TM9SF3: variants seen among roughly 807,000 people sequenced by gnomAD.
TM9SF3 encodes the protein transmembrane 9 superfamily member 3.
In TM9SF3, 14 loss-of-function variants were observed where a neutral mutation model predicts 78.6. The ratio of observed to expected loss-of-function variants is 0.18; its 90% CI spans 0.12 to 0.28. The LOEUF is 0.28. Ranked by LOEUF, TM9SF3 falls within the 10% of genes least tolerant of loss-of-function variation. TM9SF3 has a pLI of 1.00. For missense variants in TM9SF3, 496 were observed against 721.9 expected, an observed-to-expected ratio of 0.69 and a Z score of 3.59; for synonymous variants, 231 against 241.7, an observed-to-expected ratio of 0.96 and a Z score of 0.41.
intron 1 of TM9SF3, among the ~76,000 whole-genome samples, chr10:96,580,704 C>T (rs1848557278): frequency 1.3e-5 from 2 of 152,254 alleles, no homozygotes; most frequent in South Asian, 4.1e-4. Context: ...TCACCAAACC[C>T]TAACATGACA....
At chr10:96,561,924 G>A (rs879513314) in intron 4 of TM9SF3, 54 bp downstream of exon 4, 55 of 1,464,088 alleles carry the variant, frequency 3.8e-5, no homozygotes, top group Non-Finnish European at 5.0e-5. Flanking sequence ...GCCACAAATT[G>A]TTGACATCGG....
chr10:96,561,389 T>C (rs1848307588), intron 4 of TM9SF3, among the ~76,000 whole-genome samples: 1 of 152,174 alleles, frequency 6.6e-6, no homozygotes, highest in South Asian at 2.1e-4. Flanking sequence ...ACTTTCAAAA[T>C]TGACTACTAG....
intron 9 of TM9SF3, among the ~76,000 whole-genome samples, chr10:96,534,501 C>T (rs1323776203): frequency 1.4e-5 from 2 of 146,006 alleles, no homozygotes; most frequent in Non-Finnish European, 3.0e-5. Flanking sequence ...CTTTTACTTT[C>T]TTAATAACTA....
intron 14 of TM9SF3, among the ~76,000 whole-genome samples, chr10:96,523,228 T>G (rs931047363): frequency 2.6e-5 from 4 of 152,006 alleles, no homozygotes; most frequent in Admixed American, 1.3e-4. Context: ...TCCATTGGCC[T>G]CAGGAATTTA....
At chr10:96,542,937 T>C (rs576655801) in intron 9 of TM9SF3, among the ~76,000 whole-genome samples, 1 of 152,338 alleles carries the variant, frequency 6.6e-6, no homozygotes, top group African/African-American at 2.4e-5. Flanking sequence ...AACTATTTGT[T>C]AACTCCCATA....
intron 1 of TM9SF3, 27 bp from the exon 2 acceptor site, chr10:96,576,856 T>TAA (rs35616822): frequency 5.3e-3 from 6,424 of 1,203,164 alleles, no homozygotes; most frequent in Admixed American, 8.8e-3. Context: ...AAACAAGAAT[T>TAA]AAAAAAAAAA....
At chr10:96,570,137 A>C (rs1308616699) in intron 2 of TM9SF3, among the ~76,000 whole-genome samples, 1 of 152,276 alleles carries the variant, frequency 6.6e-6, no homozygotes, top group African/African-American at 2.4e-5. Flanking sequence ...AAATGTCAAG[A>C]GAACAAAAGC....
intron 1 of TM9SF3, among the ~76,000 whole-genome samples, chr10:96,580,621 C>G (rs1848556421): frequency 6.6e-6 from 1 of 152,126 alleles, no homozygotes; most frequent in Non-Finnish European, 1.5e-5. Flanking sequence ...CTTTTCTCCA[C>G]TTAGCCAAAC....
rs533499770 is a variant in TM9SF3 at position 96,521,548 on chromosome 10, G to C, written c.*715C>G. Reference sequence around the variant, plus strand: ...TAACTGTACAGTAAATTGCATTGTAGAGAGTACACTTCTGTCTTCAAACTG... The same window carrying C: ...TAACTGTACAGTAAATTGCATTGTACAGAGTACACTTCTGTCTTCAAACTG... On this transcript the variant is annotated 3_prime_UTR_variant, in exon 15 of 15. Transcript: ENST00000371142. The C allele has an allele frequency of 1.3e-5, 2 of 152,462 alleles. No individual in the cohort carries two copies. Among genetic ancestry groups the C allele is most frequent in the East Asian group, 1.9e-4 (1 of 5,182 alleles). The allele number at this position is 152,462 out of a possible 1,614,324, so 9.4% of individuals were successfully genotyped here.
At chr10:96,580,273 T>C (rs1387528255) in intron 1 of TM9SF3, among the ~76,000 whole-genome samples, 15 of 152,178 alleles carry the variant, frequency 9.9e-5, no homozygotes, top group Non-Finnish European at 4.4e-5. Context: ...TTTGTGTGTG[T>C]GTGTGTGTGT....
Position 96,530,524 on chromosome 10 carries a change from C to G in TM9SF3, c.1394+16G>C, listed in dbSNP as rs1259111322. 1.3e-6 allele frequency: 2 copies of G among 1,598,494 alleles called. No homozygotes were observed. The highest frequency in any genetic ancestry group is 4.5e-5 in the East Asian group (2 of 44,482). On this transcript the variant is annotated intron_variant, in intron 11 of 14. Coordinates refer to ENST00000371142, the MANE Select transcript of TM9SF3 (RefSeq NM_020123.4). Reference sequence around the variant, plus strand: ...AATCAAATCCCTCAAAACATAAATACATTATCAAAACTTACATTTCAATAA... The same window carrying G: ...AATCAAATCCCTCAAAACATAAATAGATTATCAAAACTTACATTTCAATAA...
intron 10 of TM9SF3, among the ~76,000 whole-genome samples, chr10:96,532,201 C>T (rs1179962647): frequency 6.6e-6 from 1 of 151,058 alleles, no homozygotes; most frequent in Non-Finnish European, 1.5e-5. Flanking sequence ...CAGAGTGAGA[C>T]CTCATCTCAA....
chr10:96,537,395 T>C (rs1847971683), intron 9 of TM9SF3, among the ~76,000 whole-genome samples: 1 of 152,204 alleles, frequency 6.6e-6, no homozygotes, highest in African/African-American at 2.4e-5. Flanking sequence ...CCTAGGTTTG[T>C]AGGAGGCTAT....
chr10:96,575,190 C>T (rs1291131474), intron 2 of TM9SF3, among the ~76,000 whole-genome samples: 1 of 152,130 alleles, frequency 6.6e-6, no homozygotes, highest in Non-Finnish European at 1.5e-5. Context: ...TGCCTATTCT[C>T]TCTTGTTGGT....
Position 96,544,188 on chromosome 10 carries a change from T to G in TM9SF3, c.1073A>C (p.Gln358Pro), listed in dbSNP as rs1848070999. 1 of 1,598,882 alleles carries G rather than the reference T, an allele frequency of 6.3e-7. No homozygotes were observed. Among genetic ancestry groups the G allele is most frequent in the Non-Finnish European group, 8.5e-7 (1 of 1,173,994 alleles). The stretch of plus-strand genomic sequence containing the variant: ...GATAAGGAATGCCCCAATAAACATC[T>G]GCTTTATCCATCTCCTTCCTGAAAA... ...ARQGGRRWIK[Q>P]MFIGAFLIPA... The change falls in exon 9 of 15, where the codon CAG (glutamine) becomes CCG (proline). Residue 358 changes from glutamine to proline, a missense_variant. Transcript: ENST00000371142.
At chr10:96,522,964 C>T (rs551025192) in intron 14 of TM9SF3, among the ~76,000 whole-genome samples, 1 of 151,904 alleles carries the variant, frequency 6.6e-6, no homozygotes, top group African/African-American at 2.4e-5. Context: ...TAGCCTCAAC[C>T]AGAGCTTAAA....
intron 4 of TM9SF3, chr10:96,560,156 T>C (rs1332510853): frequency 2.6e-6 from 2 of 776,922 alleles, no homozygotes; most frequent in African/African-American, 1.7e-5. Flanking sequence ...GTCTGCCTTC[T>C]TTCCCACCTA....
At chr10:96,574,029 TA>T (rs1427583598) in intron 2 of TM9SF3, among the ~76,000 whole-genome samples, 1 of 152,134 alleles carries the variant, frequency 6.6e-6, no homozygotes, top group Non-Finnish European at 1.5e-5. Context: ...ACTTCATGTC[TA>T]AAACACCAAA....
chr10:96,530,082 C>T (rs573248037), intron 11 of TM9SF3, among the ~76,000 whole-genome samples: 2 of 152,282 alleles, frequency 1.3e-5, no homozygotes, highest in South Asian at 4.1e-4. Context: ...TAAATACATA[C>T]ACACTTCCTA....
Sources: allele counts gnomAD v4.1 joint callset (sites outside exome capture counted in the v4.1 genomes callset), GRCh38; gene constraint gnomAD v4.1.1; transcripts MANE v1.5; gene names NCBI Gene and HGNC (gene_info 2026-07-23, HGNC 2026-07-21).